HMGB1: variants seen among roughly 807,000 people sequenced by gnomAD.
HMGB1 encodes high mobility group protein B1.
For missense variants in HMGB1, 79 were observed against 253.5 expected (o/e 0.31, Z 4.67); for synonymous variants, 81 against 84.0 (o/e 0.96, Z 0.19).
intron 1 of HMGB1, among the ~76,000 whole-genome samples, chr13:30,578,368 C>T (rs370092944): frequency 0.032 from 1,908 of 58,898 alleles, 18 homozygotes; most frequent in Non-Finnish European, 0.046. Flanking sequence ...AGTTCTTGTT[C>T]TTTTTTTTTT....
chr13:30,609,166 G>A (rs1297470982), intron 1 of HMGB1, among the ~76,000 whole-genome samples: 2 of 152,216 alleles, frequency 1.3e-5, no homozygotes, highest in Non-Finnish European at 2.9e-5. Flanking sequence ...AGGACGCTGA[G>A]GCAGGAGAAT....
intron 1 of HMGB1, among the ~76,000 whole-genome samples, chr13:30,472,135 C>T (rs1002478224): frequency 6.6e-6 from 1 of 151,238 alleles, no homozygotes; most frequent in Non-Finnish European, 1.5e-5. Context: ...AAAATGAGTC[C>T]GGGTGTGATG....
chr13:30,464,250 G>C (rs1886560456), intron 1 of HMGB1: 2 of 985,452 alleles, frequency 2.0e-6, no homozygotes, highest in Non-Finnish European at 2.4e-6. Flanking sequence ...TCGGAACCCG[G>C]TTGGGGGGTG....
At chr13:30,505,328 G>A (rs954676211) in intron 1 of HMGB1, among the ~76,000 whole-genome samples, 14 of 151,984 alleles carry the variant, frequency 9.2e-5, no homozygotes, top group Non-Finnish European at 1.6e-4. Flanking sequence ...ACAGGTGCGT[G>A]CCACCAGGCC....
At chr13:30,464,451 G>C (rs1201621287) in intron 1 of HMGB1, 31 of 985,278 alleles carry the variant, frequency 3.1e-5, no homozygotes, top group Non-Finnish European at 3.6e-5. Flanking sequence ...TGAAAGTTGG[G>C]GTGACTCCTG....
upstream of HMGB1, among the ~76,000 whole-genome samples, chr13:30,469,338 C>A (rs2892547): frequency 0.48 from 73,654 of 152,018 alleles, 18,052 homozygotes; most frequent in East Asian, 0.73. Flanking sequence ...GGATAGGGGA[C>A]GTACCTCTTT....
chr13:30,489,322 C>T (rs1887432797), intron 1 of HMGB1, among the ~76,000 whole-genome samples: 1 of 152,042 alleles, frequency 6.6e-6, no homozygotes, highest in African/African-American at 2.4e-5. Context: ...ATAGTGAGAC[C>T]CCCATCTCAA....
At chr13:30,586,648 A>G (rs1192757330) in intron 1 of HMGB1, among the ~76,000 whole-genome samples, 1 of 151,806 alleles carries the variant, frequency 6.6e-6, no homozygotes, top group Non-Finnish European at 1.5e-5. Context: ...CACCATACCC[A>G]GCTAATTTTT....
intron 1 of HMGB1, among the ~76,000 whole-genome samples, chr13:30,532,628 C>T (rs1426527358): frequency 5.9e-5 from 9 of 152,088 alleles, no homozygotes; most frequent in Admixed American, 2.0e-4. Context: ...CCTGCCTCAA[C>T]CTCCTGAGTA....
At chr13:30,598,815 T>C (rs1469983869) in intron 1 of HMGB1, among the ~76,000 whole-genome samples, 1 of 152,160 alleles carries the variant, frequency 6.6e-6, no homozygotes, top group Non-Finnish European at 1.5e-5. Flanking sequence ...GCATCTATAA[T>C]CCATCCCTGA....
chr13:30,590,507 C>T (rs1307540147), intron 1 of HMGB1, among the ~76,000 whole-genome samples: 2 of 152,090 alleles, frequency 1.3e-5, no homozygotes, highest in Admixed American at 1.3e-4. Flanking sequence ...CCGGCCTAAA[C>T]TTAAATTTAA....
intron 1 of HMGB1, among the ~76,000 whole-genome samples, chr13:30,593,303 T>C (rs1428755710): frequency 6.6e-6 from 1 of 152,198 alleles, no homozygotes; most frequent in African/African-American, 2.4e-5. Flanking sequence ...ATATGGCATA[T>C]TAAGTCTCTT....
At chr13:30,571,291 G>GT (rs1486648101) in intron 1 of HMGB1, among the ~76,000 whole-genome samples, 6 of 149,918 alleles carry the variant, frequency 4.0e-5, no homozygotes, top group African/African-American at 1.5e-4. Context: ...GCAAAAAAAT[G>GT]GTTTTTTTTT....
intron 1 of HMGB1, among the ~76,000 whole-genome samples, chr13:30,528,415 G>A (rs745987723): frequency 9.9e-5 from 15 of 152,174 alleles, no homozygotes; most frequent in Non-Finnish European, 1.9e-4. Flanking sequence ...CTGTGGTGGG[G>A]GGAGGGTGAG....
At chr13:30,549,646 C>T (rs547964048) in intron 1 of HMGB1, among the ~76,000 whole-genome samples, 96 of 152,064 alleles carry the variant, frequency 6.3e-4, no homozygotes, top group African/African-American at 2.1e-3. Context: ...CCTCCTGCTT[C>T]GGCCTCCCAA....
intron 1 of HMGB1, among the ~76,000 whole-genome samples, chr13:30,525,590 A>T (rs1398999983): frequency 6.6e-6 from 1 of 152,228 alleles, no homozygotes; most frequent in African/African-American, 2.4e-5. Flanking sequence ...AACATACTTA[A>T]AAGCTACTAA....
chr13:30,465,231 G>C (rs1214629283), intron 1 of HMGB1: 1 of 379,694 alleles, frequency 2.6e-6, no homozygotes, highest in South Asian at 1.1e-4. Flanking sequence ...AGGCCGGCCG[G>C]GCCCGCACTG....
At chr13:30,598,649 G>A (rs754762299) in intron 1 of HMGB1, among the ~76,000 whole-genome samples, 1 of 152,160 alleles carries the variant, frequency 6.6e-6, no homozygotes, top group African/African-American at 2.4e-5. Context: ...TGTTGGAACA[G>A]GACAAGATAG....
At chr13:30,550,731 C>T (rs1190307488) in intron 1 of HMGB1, among the ~76,000 whole-genome samples, 5 of 152,178 alleles carry the variant, frequency 3.3e-5, no homozygotes, top group African/African-American at 1.2e-4. Context: ...ACATAAGACT[C>T]ACTCCCAAGA....
Sources: allele counts gnomAD v4.1 joint callset (sites outside exome capture counted in the v4.1 genomes callset), GRCh38; gene constraint gnomAD v4.1.1; transcripts MANE v1.5; gene names NCBI Gene and HGNC (gene_info 2026-07-23, HGNC 2026-07-21).